The following OPRL1 variants were observed in gnomAD, a reference collection of about 807,000 sequenced individuals.
OPRL1 encodes nociceptin receptor.
A neutral mutation model predicts 15.5 loss-of-function variants in OPRL1; 5 were observed. The ratio of observed to expected loss-of-function variants is 0.32; its 90% CI spans 0.17 to 0.68. OPRL1 has a LOEUF of 0.68. Ranked by LOEUF, OPRL1 falls within the 30% of genes least tolerant of loss-of-function variation. The pLI, the probability that OPRL1 is intolerant of heterozygous loss-of-function variation, is 0.72. For synonymous variants in OPRL1, 223 were observed against 230.2 expected (o/e 0.97, Z 0.28); for missense variants, 406 against 515.3 (o/e 0.79, Z 2.05).
Position 64,092,280 on chromosome 20 carries a change from T to G in OPRL1, c.-34+164T>G, listed in dbSNP as rs571917738. Among the ~76,000 whole-genome samples, 6 of 152,290 alleles carry G rather than the reference T, an allele frequency of 3.9e-5. No homozygotes were observed. In the East Asian group the frequency reaches 1.2e-3, roughly 29 times the overall value. ...GCGTGAGGGCAGGTTTGGGCATTTC[T>G]GTGTGTCTGTGTGTGTGACTTGTGT... On this transcript the variant is annotated intron_variant, in intron 2 of 4. Transcript: ENST00000336866.
chr20:64,096,044 C>T (rs1979074114), intron 3 of OPRL1, among the ~76,000 whole-genome samples: 1 of 152,116 alleles, frequency 6.6e-6, no homozygotes. Flanking sequence ...GGGGAGGTTG[C>T]CTCGTGATGT....
In OPRL1 at chr20:64,089,251, C is replaced by A. The variant is rs2060096935; in HGVS notation, c.-184-2715C>A. ...AGGGAACACATTATGAGATTGTGAA[C>A]ACCTGGACTGGGGAGGCCACGGCCT... On this transcript the variant is annotated intron_variant, in intron 1 of 4. Coordinates refer to ENST00000336866, the MANE Select transcript of OPRL1 (RefSeq NM_182647.4). The surrounding 1 kb of genome is among the most constrained non-coding windows in gnomAD (Gnocchi z 5.5). Among the ~76,000 whole-genome samples the A allele has an allele frequency of 6.6e-6, 1 of 152,104 alleles. No homozygotes were observed. Among genetic ancestry groups the A allele is most frequent in the South Asian group, 2.1e-4 (1 of 4,828 alleles).
In OPRL1 at chr20:64,083,781, G is replaced by C. The variant is rs560944241; in HGVS notation, c.-185+3429G>C. The C allele has an allele frequency of 5.8e-5, 76 of 1,306,464 alleles. 1 individual carries two copies. In the African/African-American group the frequency reaches 1.0e-3, roughly 18 times the overall value. The allele number at this position is 1,306,464 out of a possible 1,614,324, so 80.9% of individuals were successfully genotyped here. On this transcript the variant is annotated intron_variant, in intron 1 of 4. Coordinates refer to ENST00000336866, the MANE Select transcript of OPRL1 (RefSeq NM_182647.4). This position sits in a 1 kb window ranked among gnomAD's most constrained non-coding sequence, Gnocchi z 4.9. ...CCGGCCGGCTCCGCTCAACGCTCCC[G>C]GTGCGCCCCCTCTGCCCTCCGACCC...
Position 64,098,913 on chromosome 20 carries a change from C to G in OPRL1, c.*114C>G, listed in dbSNP as rs1291808106. 25 of 1,368,920 alleles carry G rather than the reference C, an allele frequency of 1.8e-5. 1 individual carries two copies. The South Asian group carries it at 3.5e-4, about 19-fold the overall frequency. The allele number at this position is 1,368,920 out of a possible 1,614,324, so 84.8% of individuals were successfully genotyped here. On this transcript the variant is annotated 3_prime_UTR_variant, in exon 5 of 5. Transcript: ENST00000336866. ...CGGACACACCCTGGGCCCTGAGCAT[C>G]CAGAGCCTGGGATGGGCTTTTCCCT...
intron 1 of OPRL1, chr20:64,084,919 T>A (rs989659502): frequency 2.0e-5 from 3 of 152,180 alleles, no homozygotes; most frequent in Non-Finnish European, 4.4e-5. Flanking sequence ...CACCCCCTGC[T>A]TGCTGCCTTC....
intron 1 of OPRL1, among the ~76,000 whole-genome samples, chr20:64,088,387 G>A (rs1156666092): frequency 6.6e-6 from 1 of 151,970 alleles, no homozygotes; most frequent in African/African-American, 2.4e-5. Context: ...TTGCAGTGGG[G>A]CCAGGATCTG....
chr20:64,096,247 C>T (rs577169506), intron 3 of OPRL1, among the ~76,000 whole-genome samples: 15 of 152,256 alleles, frequency 9.9e-5, no homozygotes, highest in African/African-American at 3.6e-4. Context: ...TGGCCAGAGT[C>T]CCCAGAGAGA....
In OPRL1 at chr20:64,090,440, G is replaced by A. The variant is rs957278646; in HGVS notation, c.-184-1526G>A. ...CTGATTTGCCAGGTATCCTAGCAAC[G>A]CTGCTGCCAGTTGCCTAGCAACCAG... On this transcript the variant is annotated intron_variant, in intron 1 of 4. Transcript: ENST00000336866. The surrounding 1 kb of genome is among the most constrained non-coding windows in gnomAD (Gnocchi z 4.9). Among the ~76,000 whole-genome samples the A allele has an allele frequency of 1.3e-5, 2 of 152,212 alleles. No individual in the cohort carries two copies. The highest frequency in any genetic ancestry group is 6.5e-5 in the Admixed American group (1 of 15,288).
At chr20:64,091,607 A>G (rs532584641) in intron 1 of OPRL1, among the ~76,000 whole-genome samples, 220 of 151,740 alleles carry the variant, frequency 1.4e-3, no homozygotes, top group African/African-American at 5.2e-3. Flanking sequence ...GTGTGCCGGG[A>G]GCCCAGCTGG....
At chr20:64,084,262 GGGCT>G in intron 1 of OPRL1, 1 of 1,341,144 alleles carries the variant, frequency 7.5e-7, no homozygotes, top group African/African-American at 1.5e-5. Flanking sequence ...GTCGGTGCCG[GGGCT>G]GGCACCGGGC....
At chr20:64,087,866 C>T (rs2060065903) in intron 1 of OPRL1, among the ~76,000 whole-genome samples, 2 of 152,120 alleles carry the variant, frequency 1.3e-5, no homozygotes, top group African/African-American at 4.8e-5. Context: ...GGGCAGGACT[C>T]TATTAGGGGT....
intron 1 of OPRL1, among the ~76,000 whole-genome samples, chr20:64,088,829 C>A (rs1362270900): frequency 7.3e-6 from 1 of 137,354 alleles, no homozygotes; most frequent in Admixed American, 7.1e-5. Context: ...AGGATCTGTG[C>A]AGGGAGGGCA....
rs1307041269 is a variant in OPRL1, at chr20:64,089,121, C to G, written c.-184-2845C>G. ...CCTAGGCTGTTCAGCATGCCAGGGT[C>G]TGTGCTGGGGGTTTGCCGCAGGCAC... On this transcript the variant is annotated intron_variant, in intron 1 of 4. Transcript: ENST00000336866. This position sits in a 1 kb window ranked among gnomAD's most constrained non-coding sequence, Gnocchi z 5.5. 6.6e-6 allele frequency among the ~76,000 whole-genome samples: 1 copy of G among 151,612 alleles called. No homozygotes were observed.
chr20:64,086,934 CAG>C (rs1450757680), intron 1 of OPRL1, among the ~76,000 whole-genome samples: 4 of 152,124 alleles, frequency 2.6e-5, no homozygotes, highest in Admixed American at 6.5e-5. Flanking sequence ...GGACAAAAGA[CAG>C]TGTTCCAGCT....
rs2059986773 is a variant in OPRL1, at chr20:64,083,125, C to A, written c.-185+2773C>A. On this transcript the variant is annotated intron_variant, in intron 1 of 4. Coordinates refer to ENST00000336866, the MANE Select transcript of OPRL1 (RefSeq NM_182647.4). This position sits in a 1 kb window ranked among gnomAD's most constrained non-coding sequence, Gnocchi z 4.9. The stretch of plus-strand genomic sequence containing the variant: ...CTGCTGAAACAGGCTCTTTCTCCGT[C>A]CTCCCCAAGACTGGGGGCCTCCCAT... Among the ~76,000 whole-genome samples, 1 of 152,168 alleles carries A rather than the reference C, an allele frequency of 6.6e-6. No homozygotes were observed. The highest frequency in any genetic ancestry group is 1.5e-5 in the Non-Finnish European group (1 of 68,006).
At chr20:64,086,766 C>T (rs2060055352) in intron 1 of OPRL1, among the ~76,000 whole-genome samples, 1 of 152,134 alleles carries the variant, frequency 6.6e-6, no homozygotes, top group African/African-American at 2.4e-5. Context: ...TTTAATAGCA[C>T]AAATGTGCGG....
chr20:64,095,957 C>T (rs1979065285), intron 3 of OPRL1, among the ~76,000 whole-genome samples: 1 of 152,038 alleles, frequency 6.6e-6, no homozygotes, highest in African/African-American at 2.4e-5. Context: ...CATGTGTGTG[C>T]AGGTGATGCG....
rs1685964194 is a variant in OPRL1 at position 64,098,108 on chromosome 20, T to G, written c.540T>G (p.Val180=). ...VNVAIWALAS[V]VGVPVAIMGS... is the part of the protein sequence containing the mutation. ...TGGCCATCTGGGCCCTGGCCTCTGT[T>G]GTCGGTGTTCCCGTTGCCATCATGG... is the stretch of plus-strand genomic sequence containing the variant. Residue 180 remains valine (V), a synonymous_variant, in exon 4 of 5, where the codon GTT becomes GTG. Coordinates refer to ENST00000336866, the MANE Select transcript of OPRL1 (RefSeq NM_182647.4). The G allele has an allele frequency of 6.2e-7, 1 of 1,613,076 alleles. No individual in the cohort carries two copies. The highest frequency in any genetic ancestry group is 1.3e-5 in the African/African-American group (1 of 74,920).
At chr20:64,093,018 CG>C in intron 3 of OPRL1, 65 bp downstream of exon 3, 1 of 1,436,890 alleles carries the variant, frequency 7.0e-7, no homozygotes. Context: ...GAAACTGAGA[CG>C]GGGTCTGTTC....
Sources: gnomAD v4.1 joint callset for allele counts (sites outside exome capture counted in the v4.1 genomes callset) on GRCh38, gnomAD v4.1.1 for gene constraint, Gnocchi (gnomAD v3.1) non-coding constraint, MANE v1.5 for transcripts, NCBI Gene and HGNC (gene_info 2026-07-23, HGNC 2026-07-21) for gene names.